ARMC2: variants seen among roughly 807,000 people sequenced by gnomAD.
ARMC2 encodes armadillo repeat-containing protein 2.
ARMC2 carries 67 observed loss-of-function variants against 90.3 expected under a neutral mutation model. The ratio of observed to expected loss-of-function variants is 0.74; its 90% CI spans 0.61 to 0.91. The LOEUF is 0.91. Ranked by LOEUF, ARMC2 falls within the 40% of genes least tolerant of loss-of-function variation. The probability of loss-of-function intolerance (pLI) is 0.00; values close to 1 mark genes in which losing one functional copy is unlikely to be tolerated. For missense variants in ARMC2, 920 were observed against 1,030.9 expected (o/e 0.89, Z 1.47); for synonymous variants, 393 against 393.0 (o/e 1.00, Z 0.00).
chr6:109,013,385 G>C, the ARMC2 span, among the ~76,000 whole-genome samples: 1 of 152,184 alleles, frequency 6.6e-6, no homozygotes, highest in Non-Finnish European at 1.5e-5. Flanking sequence ...TGTCTCTCCA[G>C]TATGGTAGTT....
intron 10 of ARMC2, among the ~76,000 whole-genome samples, chr6:108,925,206 A>G (rs1427839532): frequency 6.6e-6 from 1 of 152,142 alleles, no homozygotes; most frequent in African/African-American, 2.4e-5. Flanking sequence ...TACAGAGTCC[A>G]TTTTTCTTTC....
intron 13 of ARMC2, chr6:108,959,558 A>C (rs1002976758): frequency 6.6e-6 from 1 of 152,282 alleles, no homozygotes; most frequent in Non-Finnish European, 1.5e-5. Flanking sequence ...CTCTCCCAAC[A>C]GTGGGTGGAC....
chr6:109,020,032 A>C, the ARMC2 span, among the ~76,000 whole-genome samples: 3 of 152,366 alleles, frequency 2.0e-5, no homozygotes, highest in Admixed American at 2.0e-4. Flanking sequence ...AGTCAAAAGC[A>C]GCAGGATGCA....
At chr6:108,905,524 A>G (rs919981757) in intron 8 of ARMC2, among the ~76,000 whole-genome samples, 1 of 151,516 alleles carries the variant, frequency 6.6e-6, no homozygotes, top group African/African-American at 2.4e-5. Flanking sequence ...CCAAAGAAAG[A>G]GAGAAAGAGT....
intron 10 of ARMC2, among the ~76,000 whole-genome samples, chr6:108,922,467 T>G (rs990204422): frequency 5.9e-5 from 9 of 152,180 alleles, no homozygotes; most frequent in Non-Finnish European, 1.0e-4. Context: ...TTTCCTGTGT[T>G]TGCTAAGGTT....
the ARMC2 span, among the ~76,000 whole-genome samples, chr6:108,986,226 C>T: frequency 6.6e-6 from 1 of 152,146 alleles, no homozygotes; most frequent in Non-Finnish European, 1.5e-5. Flanking sequence ...GAAAAGAGAG[C>T]AGGCATAGGG....
chr6:109,006,603 A>G, the ARMC2 span, among the ~76,000 whole-genome samples: 9 of 152,076 alleles, frequency 5.9e-5, no homozygotes, highest in African/African-American at 9.7e-5. Flanking sequence ...TAGAGTTGGT[A>G]TCTTTCATTA....
chr6:108,971,017 G>C (rs1219209756), intron 17 of ARMC2, among the ~76,000 whole-genome samples: 1 of 152,028 alleles, frequency 6.6e-6, no homozygotes, highest in East Asian at 1.9e-4. Context: ...GAGGTCAGGA[G>C]TTCGAGACCA....
chr6:108,893,194 G>A (rs184691935), intron 5 of ARMC2, among the ~76,000 whole-genome samples: 8 of 152,294 alleles, frequency 5.3e-5, no homozygotes, highest in Admixed American at 5.2e-4. Context: ...CTGTTGGCCA[G>A]CCACTGCTCT....
intron 12 of ARMC2, among the ~76,000 whole-genome samples, chr6:108,940,262 TC>T (rs1776326738): frequency 6.6e-6 from 1 of 152,124 alleles, no homozygotes; most frequent in Non-Finnish European, 1.5e-5. Context: ...GAAGACTCTA[TC>T]TCGGAAATCA....
chr6:109,009,360 T>A, the ARMC2 span: 2 of 1,468,890 alleles, frequency 1.4e-6, no homozygotes, highest in Admixed American at 2.4e-5. Flanking sequence ...CCCAGGTACC[T>A]CGTCCTGGTC....
intron 3 of ARMC2, among the ~76,000 whole-genome samples, chr6:108,868,227 G>C (rs552385293): frequency 1.1e-4 from 16 of 140,274 alleles, no homozygotes; most frequent in South Asian, 2.6e-4. Context: ...ATTTGGGGGT[G>C]GGGGGGCGGG....
Position 108,913,732 on chromosome 6 carries a change from G to A in ARMC2, c.1350+1174G>A, listed in dbSNP as rs572922432. On this transcript the variant is annotated intron_variant, in intron 10 of 17. Transcript: ENST00000392644. ...AGAATTCTCACTTTTTAAATAACCC[G>A]TTACTTTTAATAGTCACTTTTGTTT... 3.1e-4 allele frequency among the ~76,000 whole-genome samples: 47 copies of A among 152,024 alleles called. 1 individual carries two copies. The South Asian group carries it at 8.9e-3, about 29-fold the overall frequency.
intron 13 of ARMC2, among the ~76,000 whole-genome samples, chr6:108,957,461 G>A (rs1291992805): frequency 1.3e-5 from 2 of 152,174 alleles, no homozygotes; most frequent in African/African-American, 4.8e-5. Flanking sequence ...GCTGGGCTGT[G>A]ACTGTGACTA....
the ARMC2 span, among the ~76,000 whole-genome samples, chr6:109,025,375 G>GAAAT: frequency 6.6e-6 from 1 of 151,576 alleles, no homozygotes. Flanking sequence ...GTTCCAGTTA[G>GAAAT]AAATAAATAG....
chr6:108,884,599 A>G (rs955570701), intron 5 of ARMC2, among the ~76,000 whole-genome samples: 2 of 152,226 alleles, frequency 1.3e-5, no homozygotes, highest in Non-Finnish European at 2.9e-5. Flanking sequence ...AGCATAAGCC[A>G]GAAGTGGGAT....
At chr6:109,045,412 G>A in the ARMC2 span, among the ~76,000 whole-genome samples, 2 of 152,058 alleles carry the variant, frequency 1.3e-5, no homozygotes, top group South Asian at 2.1e-4. Flanking sequence ...TCCTTTATAG[G>A]TTCCCCCTAA....
chr6:108,961,723 T>A, intron 14 of ARMC2, 29 bp downstream of exon 14: 3 of 1,560,006 alleles, frequency 1.9e-6, no homozygotes, highest in Non-Finnish European at 2.6e-6. Context: ...TTTGGATAAA[T>A]GAGTGCTCAT....
At chr6:108,904,535 G>A in intron 8 of ARMC2, 130 bp downstream of exon 8, 1 of 851,744 alleles carries the variant, frequency 1.2e-6, no homozygotes, top group Non-Finnish European at 1.7e-6. Context: ...AAAAAATTAA[G>A]GTAATAAACT....
Sources: gnomAD v4.1 joint callset for allele counts (sites outside exome capture counted in the v4.1 genomes callset) on GRCh38, gnomAD v4.1.1 for gene constraint, MANE v1.5 for transcripts, NCBI Gene and HGNC (gene_info 2026-07-23, HGNC 2026-07-21) for gene names.